Variants in MYO10 observed in about 807,000 individuals in gnomAD.
MYO10 encodes myosin X, also known as unconventional myosin-X.
MYO10 carries 133 observed loss-of-function variants against 257.3 expected under a neutral mutation model. That is an observed-to-expected ratio of 0.52 (90% CI 0.45 to 0.60). The LOEUF (loss-of-function observed/expected upper bound fraction) is 0.60, where lower values mean the gene tolerates loss of function less well. Among genes scored for constraint, MYO10 ranks in the 20% least tolerant of loss-of-function variants. The pLI, the probability that MYO10 is intolerant of heterozygous loss-of-function variation, is 0.00. For synonymous variants in MYO10, 1,104 were observed against 1,028.6 expected (o/e 1.07, Z -1.40); for missense variants, 2,399 against 2,635.7 (o/e 0.91, Z 1.97).
At position 16,738,473 on chromosome 5, in the gene MYO10, G is replaced by A. The variant is rs778580990; in HGVS notation, c.1929+16355C>T. On this transcript the variant is annotated intron_variant, in intron 19 of 40. Coordinates refer to ENST00000513610, the MANE Select transcript of MYO10 (RefSeq NM_012334.3). ...AGCAGTGAGGAGAAGATTGCTCAAG[G>A]TGAGGGAGCCCAGTCAAGTTCCTAT... 5.4e-5 allele frequency: 50 copies of A among 933,126 alleles called. No homozygotes were observed. In the South Asian group the frequency reaches 5.4e-4, roughly 10 times the overall value. The allele number at this position is 933,126 out of a possible 1,614,324, so 57.8% of individuals were successfully genotyped here. A position where few individuals can be genotyped will look rare whatever the true frequency, so the allele number is the denominator to read the frequency against.
At chr5:16,909,471 A>C (rs1245870727) in intron 1 of MYO10, among the ~76,000 whole-genome samples, 1 of 145,220 alleles carries the variant, frequency 6.9e-6, no homozygotes, top group Non-Finnish European at 1.5e-5. Flanking sequence ...ACACCACTGC[A>C]CTCCAGCCCA....
At chr5:16,815,169 A>AC (rs1742565578) in intron 3 of MYO10, 1 of 388,772 alleles carries the variant, frequency 2.6e-6, no homozygotes, top group Non-Finnish European at 4.6e-6. Flanking sequence ...TTACAAAAAA[A>AC]AACAAACTTG....
chr5:16,781,496 G>C (rs946803268), intron 6 of MYO10, among the ~76,000 whole-genome samples: 1 of 152,134 alleles, frequency 6.6e-6, no homozygotes, highest in South Asian at 2.1e-4. Flanking sequence ...AGCCTCCCAA[G>C]TAGCTGTAAC....
intron 19 of MYO10, among the ~76,000 whole-genome samples, chr5:16,721,465 C>A (rs1739149004): frequency 2.2e-5 from 1 of 44,760 alleles, no homozygotes; most frequent in South Asian, 4.0e-4. Context: ...CACTCCGGGG[C>A]TGTTAAACAC....
intron 19 of MYO10, chr5:16,713,302 C>T: frequency 1.0e-6 from 1 of 985,552 alleles, no homozygotes; most frequent in Non-Finnish European, 1.2e-6. Context: ...AAAGGGCCTC[C>T]CCATCCAAAA....
At chr5:16,860,171 C>T (rs1744068998) in intron 2 of MYO10, among the ~76,000 whole-genome samples, 1 of 152,018 alleles carries the variant, frequency 6.6e-6, no homozygotes, top group Admixed American at 6.6e-5. Flanking sequence ...GAGGGCAGGG[C>T]CATAAGAAAG....
intron 1 of MYO10, among the ~76,000 whole-genome samples, chr5:16,931,543 C>T (rs937316778): frequency 2.0e-5 from 3 of 152,104 alleles, no homozygotes; most frequent in East Asian, 1.9e-4. Context: ...CTACCCTGCC[C>T]GCCCCAGCCA....
chr5:16,671,634 GAC>G lies in MYO10; in HGVS notation c.5310-94_5310-93del, dbSNP rs751993381. ...CTGACTTTACATGGTGTATTCTAAG[GAC>G]ACAGACATTCTGTCCGGGCCCAGAA... is the stretch of plus-strand genomic sequence containing the variant. On this transcript the variant is annotated intron_variant, in intron 37 of 40. Transcript: ENST00000513610. 3.9e-4 allele frequency: 571 copies of G among 1,478,076 alleles called. 1 individual carries two copies. Among genetic ancestry groups the G allele is most frequent in the Non-Finnish European group, 4.1e-4 (440 of 1,075,610 alleles). The allele number at this position is 1,478,076 out of a possible 1,614,324, so 91.6% of individuals were successfully genotyped here. A position where few individuals can be genotyped will look rare whatever the true frequency, so the allele number is the denominator to read the frequency against.
In MYO10 at chr5:16,664,594, T is replaced by A. The variant is rs981273873; in HGVS notation, c.*2098A>T. ...GGTCTGCAAGAGAAGTGGCGCTTGC[T>A]CATGCTAGACGCCTGGCCTGGTGGT... On this transcript the variant is annotated 3_prime_UTR_variant, in exon 41 of 41. Transcript: ENST00000513610. The A allele has an allele frequency of 2.0e-5, 3 of 152,208 alleles. No individual in the cohort carries two copies. Among genetic ancestry groups the A allele is most frequent in the African/African-American group, 7.2e-5 (3 of 41,442 alleles). The allele number at this position is 152,208 out of a possible 1,614,324, so 9.4% of individuals were successfully genotyped here. A position where few individuals can be genotyped will look rare whatever the true frequency, so the allele number is the denominator to read the frequency against.
At chr5:16,823,892 A>C (rs1170166797) in intron 2 of MYO10, among the ~76,000 whole-genome samples, 1 of 152,164 alleles carries the variant, frequency 6.6e-6, no homozygotes, top group Non-Finnish European at 1.5e-5. Flanking sequence ...GAGTTACTTT[A>C]ATGGAGCATA....
chr5:16,710,403 ACAG>A (rs1427394893), intron 21 of MYO10, among the ~76,000 whole-genome samples: 3 of 152,218 alleles, frequency 2.0e-5, no homozygotes, highest in Non-Finnish European at 4.4e-5. Flanking sequence ...CTCTGCCCCA[ACAG>A]CATCTTCAAA....
chr5:16,794,853 C>A lies in MYO10; in HGVS notation c.280-20G>T. The A allele has an allele frequency of 2.1e-6, 3 of 1,454,036 alleles. No homozygotes were observed. The highest frequency in any genetic ancestry group is 1.8e-6 in the Non-Finnish European group (2 of 1,093,476). 90.1% of individuals were successfully genotyped at this position (1,454,036 alleles called of 1,614,324 possible). On this transcript the variant is annotated intron_variant, in intron 3 of 40. Coordinates refer to ENST00000513610, the MANE Select transcript of MYO10 (RefSeq NM_012334.3). Reference sequence around the variant, plus strand: ...GTAGGTCTGCAAGCACAGAGTGAGACAGGGATGCGTCACTTCTAACCCAGG... The same window carrying A: ...GTAGGTCTGCAAGCACAGAGTGAGAAAGGGATGCGTCACTTCTAACCCAGG...
chr5:16,712,966 C>G lies in MYO10; in HGVS notation c.1930-1721G>C, dbSNP rs184343264. ...TTTAAAAATGCGGGTTGGGGGGTGG[C>G]TGACTGTTCTGAAGGCATTTGGTTA... is the stretch of plus-strand genomic sequence containing the variant. On this transcript the variant is annotated intron_variant, in intron 19 of 40. Transcript: ENST00000513610. Among the ~76,000 whole-genome samples the G allele has an allele frequency of 7.0e-3, 1,072 of 152,228 alleles. 4 individuals are homozygous for G. Among genetic ancestry groups the G allele is most frequent in the South Asian group, 0.012 (60 of 4,824 alleles).
At chr5:16,916,836 C>T (rs1055018883) in intron 1 of MYO10, among the ~76,000 whole-genome samples, 1 of 152,192 alleles carries the variant, frequency 6.6e-6, no homozygotes, top group Non-Finnish European at 1.5e-5. Context: ...TTCAAAGAGG[C>T]TGCCTCTTGC....
chr5:16,794,385 A>T (rs59239534), intron 4 of MYO10, among the ~76,000 whole-genome samples: 6,001 of 35,456 alleles, frequency 0.17, 276 homozygotes, highest in East Asian at 0.48. Flanking sequence ...TGTTGCTTTA[A>T]AAAAAAAAAA....
At chr5:16,841,709 T>C (rs1743486110) in intron 2 of MYO10, among the ~76,000 whole-genome samples, 1 of 152,104 alleles carries the variant, frequency 6.6e-6, no homozygotes, top group African/African-American at 2.4e-5. Flanking sequence ...CAAAGCCAAG[T>C]TCTATTTGAA....
chr5:16,822,733 G>C (rs1372774522), intron 2 of MYO10, among the ~76,000 whole-genome samples: 1 of 149,814 alleles, frequency 6.7e-6, no homozygotes, highest in African/African-American at 2.5e-5. Flanking sequence ...TGTCGCCCAG[G>C]CTGGAGTGCA....
intron 4 of MYO10, among the ~76,000 whole-genome samples, chr5:16,784,288 C>CTGAG (rs1741508942): frequency 1.3e-5 from 2 of 152,320 alleles, no homozygotes; most frequent in South Asian, 4.1e-4. Flanking sequence ...AGAAGATGAG[C>CTGAG]TGAGGTTCAG....
chr5:16,832,571 G>C (rs989969695), intron 2 of MYO10, among the ~76,000 whole-genome samples: 1 of 152,168 alleles, frequency 6.6e-6, no homozygotes, highest in Non-Finnish European at 1.5e-5. Context: ...ATTCTTGGCT[G>C]CTTGCTCCTC....
Sources: gnomAD v4.1 joint callset for allele counts (sites outside exome capture counted in the v4.1 genomes callset) on GRCh38, gnomAD v4.1.1 for gene constraint, MANE v1.5 for transcripts, NCBI Gene and HGNC (gene_info 2026-07-23, HGNC 2026-07-21) for gene names.